Variants in RTN4 observed in about 807,000 individuals in gnomAD.
RTN4 encodes reticulon 4.
In RTN4, 32 loss-of-function variants were observed where a neutral mutation model predicts 90.4. The observed-to-expected ratio is 0.35, with a 90% CI of 0.27 to 0.48. RTN4 has a LOEUF of 0.48. RTN4 is among the 20% of genes least tolerant of loss of function. RTN4 has a pLI of 0.99. For synonymous variants in RTN4, 629 were observed against 552.5 expected (o/e 1.14, Z -1.94); for missense variants, 1,706 against 1,430.2 (o/e 1.19, Z -3.11).
chr2:55,094,735 G>A (rs1173574768), intron 1 of RTN4, among the ~76,000 whole-genome samples: 1 of 152,082 alleles, frequency 6.6e-6, no homozygotes, highest in Non-Finnish European at 1.5e-5. Flanking sequence ...ACAATCTGGT[G>A]GAAAACGTTT....
At chr2:55,091,468 T>C (rs760705959) in intron 1 of RTN4, among the ~76,000 whole-genome samples, 2 of 152,216 alleles carry the variant, frequency 1.3e-5, no homozygotes, top group Non-Finnish European at 2.9e-5. Flanking sequence ...CTACCCTTTA[T>C]CTTATTTTCC....
At chr2:55,055,975 CAT>C (rs1428084051) in intron 2 of RTN4, among the ~76,000 whole-genome samples, 6 of 120,852 alleles carry the variant, frequency 5.0e-5, no homozygotes, top group Non-Finnish European at 1.0e-4. Context: ...TCTATATATA[CAT>C]ATATGTGTTT....
chr2:55,066,192 TTTGTGTGTGTG>T (rs1668389125), intron 2 of RTN4, among the ~76,000 whole-genome samples: 2 of 135,556 alleles, frequency 1.5e-5, no homozygotes, highest in Non-Finnish European at 3.1e-5. Context: ...TGTGTGTGTG[TTTGTGTGTGTG>T]TGTGTGTGTG....
intron 1 of RTN4, chr2:55,049,022 C>G: frequency 1.2e-6 from 1 of 815,672 alleles, no homozygotes; most frequent in Non-Finnish European, 1.5e-6. Context: ...CTCGGTTTAG[C>G]TGGTGGGGAG....
intron 3 of RTN4, among the ~76,000 whole-genome samples, chr2:54,993,075 G>GAAAAA (rs61127530): frequency 3.1e-5 from 2 of 64,650 alleles, no homozygotes; most frequent in East Asian, 3.6e-4. Flanking sequence ...CTCCATCTCG[G>GAAAAA]AAAAAAAAAA....
At chr2:55,036,037 A>G (rs1484960584) in intron 1 of RTN4, among the ~76,000 whole-genome samples, 3 of 152,208 alleles carry the variant, frequency 2.0e-5, no homozygotes, top group Admixed American at 6.5e-5. Flanking sequence ...CATCTAATGA[A>G]TAGTACCAAC....
intron 8 of RTN4, 62 bp from the exon 9 acceptor site, chr2:54,973,260 T>G (rs1677279996): frequency 7.6e-7 from 1 of 1,308,214 alleles, no homozygotes; most frequent in South Asian, 1.2e-5. Flanking sequence ...AATACCATCT[T>G]CCAAGAACTA....
At chr2:54,990,387 A>T (rs1216237895) in intron 3 of RTN4, among the ~76,000 whole-genome samples, 12 of 152,216 alleles carry the variant, frequency 7.9e-5, no homozygotes, top group African/African-American at 2.9e-4. Context: ...AAATATATAC[A>T]GCTATGATTT....
intron 4 of RTN4, among the ~76,000 whole-genome samples, chr2:54,986,274 T>A (rs1248555132): frequency 6.6e-6 from 1 of 152,162 alleles, no homozygotes; most frequent in Non-Finnish European, 1.5e-5. Context: ...ACTGAAGTAA[T>A]CCGAGGTAAC....
At chr2:55,045,240 G>C (rs1683342775) in intron 1 of RTN4, among the ~76,000 whole-genome samples, 1 of 152,152 alleles carries the variant, frequency 6.6e-6, no homozygotes, top group African/African-American at 2.4e-5. Flanking sequence ...CTCTGAAACT[G>C]ATTTAATAAG....
chr2:55,121,208 A>G, the RTN4 span, among the ~76,000 whole-genome samples: 2 of 152,228 alleles, frequency 1.3e-5, no homozygotes, highest in Non-Finnish European at 2.9e-5. Context: ...TGAATGAGAC[A>G]GTCAGTCCCG....
At chr2:55,021,212 T>G (rs1331777682) in intron 3 of RTN4, among the ~76,000 whole-genome samples, 2 of 152,134 alleles carry the variant, frequency 1.3e-5, no homozygotes, top group Non-Finnish European at 2.9e-5. Context: ...CTGCTGTATT[T>G]TGGTACATTT....
chr2:55,102,555 G>C (rs1466582364), intron 1 of RTN4, among the ~76,000 whole-genome samples: 1 of 151,922 alleles, frequency 6.6e-6, no homozygotes, highest in East Asian at 1.9e-4. Flanking sequence ...TTTAAGATGT[G>C]AAATTCGTCC....
chr2:55,048,498 CTATTTT>C (rs1396026706), intron 1 of RTN4, among the ~76,000 whole-genome samples: 1 of 149,660 alleles, frequency 6.7e-6, no homozygotes, highest in African/African-American at 2.5e-5. Flanking sequence ...AAGCTTTTTT[CTATTTT>C]TTTTTTAACT....
intron 3 of RTN4, among the ~76,000 whole-genome samples, chr2:54,990,294 A>T (rs7559999): frequency 0.071 from 10,816 of 152,228 alleles, 1,208 homozygotes; most frequent in African/African-American, 0.24. Flanking sequence ...CACCACAAAA[A>T]TAATAGGTAA....
intron 2 of RTN4, among the ~76,000 whole-genome samples, chr2:55,064,504 C>T (rs772529927): frequency 1.3e-5 from 2 of 151,948 alleles, no homozygotes; most frequent in East Asian, 1.9e-4. Flanking sequence ...GTGCCTGCCA[C>T]GACACCCAGC....
At chr2:55,019,782 G>A (rs946170489) in intron 3 of RTN4, among the ~76,000 whole-genome samples, 1 of 152,124 alleles carries the variant, frequency 6.6e-6, no homozygotes, top group African/African-American at 2.4e-5. Flanking sequence ...AAGTCACATT[G>A]TCCCTGTTTG....
intron 8 of RTN4, 28 bp downstream of exon 8, chr2:54,973,534 TA>T: frequency 6.5e-7 from 1 of 1,542,106 alleles, no homozygotes; most frequent in Non-Finnish European, 9.0e-7. Context: ...CTTATCCTAG[TA>T]AAAACACTGC....
intron 1 of RTN4, among the ~76,000 whole-genome samples, chr2:55,109,701 G>T (rs1042304578): frequency 6.6e-6 from 1 of 152,174 alleles, no homozygotes; most frequent in Non-Finnish European, 1.5e-5. Flanking sequence ...CATGTTAGGG[G>T]TTTGTCCAAG....
Sources: allele counts gnomAD v4.1 joint callset (sites outside exome capture counted in the v4.1 genomes callset), GRCh38; gene constraint gnomAD v4.1.1; transcripts MANE v1.5; gene names NCBI Gene and HGNC (gene_info 2026-07-23, HGNC 2026-07-21).